The following XPO7 variants were observed in gnomAD, a reference collection of about 807,000 sequenced individuals.
XPO7 encodes the protein exportin-7.
A neutral mutation model predicts 144.3 loss-of-function variants in XPO7; 21 were observed. That is an observed-to-expected ratio of 0.15 (90% CI 0.10 to 0.21). The LOEUF is 0.21. Among genes scored for constraint, XPO7 ranks in the 10% least tolerant of loss-of-function variants. The pLI, the probability that XPO7 is intolerant of heterozygous loss-of-function variation, is 1.00. For missense variants in XPO7, 808 were observed against 1,325.8 expected, an observed-to-expected ratio of 0.61 and a Z score of 6.06; for synonymous variants, 580 against 499.6, an observed-to-expected ratio of 1.16 and a Z score of -2.15.
At chr8:21,927,005 G>A (rs1357609338) in intron 1 of XPO7, among the ~76,000 whole-genome samples, 1 of 152,280 alleles carries the variant, frequency 6.6e-6, no homozygotes, top group African/African-American at 2.4e-5. Flanking sequence ...AACTGATAAT[G>A]TTCCAGAACT....
At chr8:21,998,980 C>A in intron 22 of XPO7, 111 bp from the exon 23 acceptor site, 1 of 1,455,338 alleles carries the variant, frequency 6.9e-7, no homozygotes, top group Non-Finnish European at 9.5e-7. Context: ...CATTAGAGTG[C>A]CACCTGTCAC....
At chr8:21,981,136 C>G (rs1383020711) in intron 9 of XPO7, among the ~76,000 whole-genome samples, 1 of 152,110 alleles carries the variant, frequency 6.6e-6, no homozygotes. Flanking sequence ...CATATGCTAA[C>G]AGAAGAAGAC....
At chr8:21,987,489 C>T (rs947445699) in intron 14 of XPO7, among the ~76,000 whole-genome samples, 1 of 152,176 alleles carries the variant, frequency 6.6e-6, no homozygotes, top group Non-Finnish European at 1.5e-5. Flanking sequence ...ATGGCCAGTC[C>T]AAACATCTGT....
At chr8:21,992,015 T>A (rs771249032) in intron 19 of XPO7, 41 bp downstream of exon 19, 62 of 1,525,778 alleles carry the variant, frequency 4.1e-5, no homozygotes, top group East Asian at 2.5e-4. Flanking sequence ...AGCTTCTGGT[T>A]TAGGGCAGTC....
At chr8:21,985,032 T>A (rs1264008771) in intron 12 of XPO7, among the ~76,000 whole-genome samples, 193 bp downstream of exon 12, 1 of 151,950 alleles carries the variant, frequency 6.6e-6, no homozygotes, top group African/African-American at 2.4e-5. Flanking sequence ...AAATCACATC[T>A]GCAGTGGGAT....
At chr8:21,944,338 C>G (rs375310470) in intron 1 of XPO7, among the ~76,000 whole-genome samples, 1 of 152,108 alleles carries the variant, frequency 6.6e-6, no homozygotes, top group Non-Finnish European at 1.5e-5. Flanking sequence ...GAGGCCTAGG[C>G]GGGCAGATCA....
intron 21 of XPO7, among the ~76,000 whole-genome samples, chr8:21,997,036 G>A (rs768716071): frequency 1.9e-3 from 286 of 152,254 alleles, no homozygotes; most frequent in Middle Eastern, 3.4e-3. Context: ...TTGAACTCCC[G>A]ACTTGAGGTG....
At position 21,985,513 on chromosome 8, in the gene XPO7, A is replaced by C. The variant is rs147703382; in HGVS notation, c.1472-73A>C. ...TTTCACCACAGTGTTCTTAAGATTA[A>C]GGAAGTTCAGAGTGAGGAATGTCTT... On this transcript the variant is annotated intron_variant, in intron 12 of 27. Coordinates refer to ENST00000252512, the MANE Select transcript of XPO7 (RefSeq NM_015024.5). 2.4e-5 allele frequency: 32 copies of C among 1,351,890 alleles called. No individual in the cohort carries two copies. The African/African-American group carries it at 3.3e-4, about 14-fold the overall frequency. 83.7% of individuals were successfully genotyped at this position (1,351,890 alleles called of 1,614,324 possible). A position where few individuals can be genotyped will look rare whatever the true frequency, so the allele number is the denominator to read the frequency against.
rs1813313049 is a variant in XPO7, at chr8:22,005,856, A to C, written c.*768A>C. On this transcript the variant is annotated 3_prime_UTR_variant, in exon 28 of 28. Coordinates refer to ENST00000252512, the MANE Select transcript of XPO7 (RefSeq NM_015024.5). ...AAAAGTGTTTGGTGTTCTTATCTCCACCCTCTTTCCTACTTTGCTTACCCT... is the reference window on the plus strand; with the variant it reads ...AAAAGTGTTTGGTGTTCTTATCTCCCCCCTCTTTCCTACTTTGCTTACCCT... The C allele has an allele frequency of 6.6e-6, 1 of 152,130 alleles. No homozygotes were observed. Among genetic ancestry groups the C allele is most frequent in the Admixed American group, 6.6e-5 (1 of 15,266 alleles). 9.4% of individuals were successfully genotyped at this position (152,130 alleles called of 1,614,324 possible). A position where few individuals can be genotyped will look rare whatever the true frequency, so the allele number is the denominator to read the frequency against.
rs958175593 is a variant in XPO7 at position 21,951,525 on chromosome 8, C to T, written c.19-15332C>T. On this transcript the variant is annotated intron_variant, in intron 1 of 27. Coordinates refer to ENST00000252512, the MANE Select transcript of XPO7 (RefSeq NM_015024.5). ...TCCCATGTAATGGAATAGAAACATTCGAGAATTAGGGGACTTCAGAGTCAC... is the reference window on the plus strand; with the variant it reads ...TCCCATGTAATGGAATAGAAACATTTGAGAATTAGGGGACTTCAGAGTCAC... Among the ~76,000 whole-genome samples the T allele has an allele frequency of 1.4e-4, 21 of 152,076 alleles. 1 individual carries two copies. The highest frequency in any genetic ancestry group is 3.1e-4 in the Non-Finnish European group (21 of 68,024).
rs1054299243 is a variant in XPO7, at chr8:21,984,714, T to C, written c.1346T>C (p.Ile449Thr). The C allele has an allele frequency of 7.4e-6, 12 of 1,613,886 alleles. No individual in the cohort carries two copies. Among genetic ancestry groups the C allele is most frequent in the Non-Finnish European group, 8.5e-6 (10 of 1,179,902 alleles). ...CAGCAGTTGGACCAGCTGTCCACCA[T>C]TGGGCGTTGTGAATATGAGAAGACG... ...VQQQLDQLST[I>T]GRCEYEKTCA... The change falls in exon 12 of 28, where the codon ATT becomes ACT. Residue 449 changes from isoleucine to threonine, a missense_variant. Ile to Thr is a moderately conservative substitution (Grantham distance 89). Coordinates refer to ENST00000252512, the MANE Select transcript of XPO7 (RefSeq NM_015024.5).
intron 1 of XPO7, among the ~76,000 whole-genome samples, chr8:21,957,734 T>C (rs914076291): frequency 1.3e-5 from 2 of 152,194 alleles, no homozygotes; most frequent in African/African-American, 2.4e-5. Context: ...TCCTACTGTG[T>C]GCCAGACACT....
intron 26 of XPO7, 68 bp downstream of exon 26, chr8:22,003,385 C>A: frequency 7.8e-7 from 1 of 1,276,054 alleles, no homozygotes; most frequent in East Asian, 2.5e-5. Flanking sequence ...ATCACCAAGC[C>A]CTGGGAGAAA....
At chr8:21,932,186 T>A (rs535733460) in intron 1 of XPO7, among the ~76,000 whole-genome samples, 1 of 152,216 alleles carries the variant, frequency 6.6e-6, no homozygotes, top group Non-Finnish European at 1.5e-5. Context: ...CTTTTAAATA[T>A]GCTGTTTGCC....
intron 21 of XPO7, among the ~76,000 whole-genome samples, chr8:21,996,536 A>G (rs1391311260): frequency 2.0e-5 from 3 of 152,230 alleles, no homozygotes; most frequent in South Asian, 2.1e-4. Context: ...TGCCTTGTCC[A>G]TCACATTTCA....
intron 1 of XPO7, among the ~76,000 whole-genome samples, chr8:21,962,563 A>T (rs1811759360): frequency 6.6e-6 from 1 of 152,226 alleles, no homozygotes; most frequent in African/African-American, 2.4e-5. Context: ...CTTTTAAAAA[A>T]TGCTTATCTT....
At chr8:21,922,980 G>T (rs1417484665) in intron 1 of XPO7, among the ~76,000 whole-genome samples, 1 of 152,130 alleles carries the variant, frequency 6.6e-6, no homozygotes, top group African/African-American at 2.4e-5. Flanking sequence ...AACTTGTCAG[G>T]TTAAATTTTA....
At chr8:21,971,417 G>C (rs942819084) in intron 4 of XPO7, among the ~76,000 whole-genome samples, 21 of 152,082 alleles carry the variant, frequency 1.4e-4, no homozygotes, top group Non-Finnish European at 5.9e-5. Flanking sequence ...TATTGTTTGG[G>C]TTATGAGTGA....
intron 10 of XPO7, among the ~76,000 whole-genome samples, chr8:21,982,223 G>T (rs1239661381): frequency 6.6e-6 from 1 of 152,042 alleles, no homozygotes; most frequent in East Asian, 1.9e-4. Flanking sequence ...TAGAACAATG[G>T]GTCTCAAATT....
Sources: allele counts gnomAD v4.1 joint callset (sites outside exome capture counted in the v4.1 genomes callset), GRCh38; gene constraint gnomAD v4.1.1; transcripts MANE v1.5; gene names NCBI Gene and HGNC (gene_info 2026-07-23, HGNC 2026-07-21).